Variants in LOC400499 observed in about 807,000 individuals in gnomAD.
At chr16:11,438,172 GC>G in the LOC400499 span, among the ~76,000 whole-genome samples, 1 of 152,174 alleles carries the variant, frequency 6.6e-6, no homozygotes, top group Admixed American at 6.5e-5. Context: ...AACAGAGCCT[GC>G]CACGCAATCA....
At chr16:11,425,127 G>A in the LOC400499 span, 6 of 398,912 alleles carry the variant, frequency 1.5e-5, no homozygotes, top group Non-Finnish European at 2.7e-5. Context: ...CGTCCTACCT[G>A]CATCACTCAG....
the LOC400499 span, among the ~76,000 whole-genome samples, chr16:11,395,390 C>T: frequency 1.3e-5 from 2 of 152,268 alleles, no homozygotes; most frequent in East Asian, 3.9e-4. Flanking sequence ...AGCCTCTTGC[C>T]GAGCATCCGC....
the LOC400499 span, among the ~76,000 whole-genome samples, chr16:11,415,250 A>G: frequency 6.6e-6 from 1 of 152,148 alleles, no homozygotes; most frequent in African/African-American, 2.4e-5. Context: ...TCCCTTTGCT[A>G]TACAGAGAAA....
chr16:11,445,457 G>C, the LOC400499 span, among the ~76,000 whole-genome samples: 3 of 151,982 alleles, frequency 2.0e-5, no homozygotes, highest in Admixed American at 6.6e-5. Flanking sequence ...ATAAGGCATC[G>C]CTAGGGTAAG....
the LOC400499 span, among the ~76,000 whole-genome samples, chr16:11,393,934 C>A: frequency 1.3e-5 from 2 of 152,254 alleles, no homozygotes; most frequent in East Asian, 3.9e-4. Context: ...CAAAACTTAG[C>A]CAGTCTCATG....
chr16:11,508,678 A>C, the LOC400499 span: 1 of 398,920 alleles, frequency 2.5e-6, no homozygotes, highest in East Asian at 3.6e-5. Flanking sequence ...ACTCAGGGCC[A>C]AGAAAGACTC....
chr16:11,487,468 G>C, the LOC400499 span: 2 of 397,832 alleles, frequency 5.0e-6, no homozygotes. Context: ...CATACCCTGA[G>C]ACAGGGCCAG....
chr16:11,467,829 G>GC, the LOC400499 span, among the ~76,000 whole-genome samples: 1 of 152,136 alleles, frequency 6.6e-6, no homozygotes, highest in Non-Finnish European at 1.5e-5. Context: ...ACCCTAAGCC[G>GC]CAGGACCTGT....
chr16:11,500,787 G>A, the LOC400499 span: 3 of 399,050 alleles, frequency 7.5e-6, no homozygotes, highest in African/African-American at 2.1e-5. Flanking sequence ...GGCCCCGGGT[G>A]GGGTGCAGGG....
the LOC400499 span, among the ~76,000 whole-genome samples, chr16:11,466,115 C>T: frequency 2.6e-5 from 4 of 152,268 alleles, no homozygotes; most frequent in South Asian, 2.1e-4. Flanking sequence ...TTGCGCTACA[C>T]AGGAGGCACT....
At chr16:11,412,796 A>C in the LOC400499 span, 2 of 398,618 alleles carry the variant, frequency 5.0e-6, no homozygotes, top group Non-Finnish European at 8.8e-6. Flanking sequence ...GTACCCAGTC[A>C]ATGGTTCCTC....
At chr16:11,452,778 C>G in the LOC400499 span, among the ~76,000 whole-genome samples, 6 of 152,340 alleles carry the variant, frequency 3.9e-5, no homozygotes, top group East Asian at 9.6e-4. Context: ...CCTGCCAGTT[C>G]TTCTCCATGC....
At chr16:11,515,484 T>C in the LOC400499 span, among the ~76,000 whole-genome samples, 1 of 144,530 alleles carries the variant, frequency 6.9e-6, no homozygotes. Context: ...CGTACGTACA[T>C]ACATACATAC....
At chr16:11,382,560 A>G in the LOC400499 span, among the ~76,000 whole-genome samples, 1 of 149,838 alleles carries the variant, frequency 6.7e-6, no homozygotes, top group Non-Finnish European at 1.5e-5. Context: ...ATTTGGTCAC[A>G]GAAGTCATCT....
At chr16:11,506,678 C>T in the LOC400499 span, among the ~76,000 whole-genome samples, 1 of 152,138 alleles carries the variant, frequency 6.6e-6, no homozygotes, top group African/African-American at 2.4e-5. Flanking sequence ...CCCCCCACAT[C>T]GAAACTCCGG....
At chr16:11,464,139 CGTGT>C in the LOC400499 span, among the ~76,000 whole-genome samples, 1 of 141,184 alleles carries the variant, frequency 7.1e-6, no homozygotes, top group African/African-American at 2.7e-5. Flanking sequence ...TAAATATGGA[CGTGT>C]GTATGATGTG....
the LOC400499 span, among the ~76,000 whole-genome samples, chr16:11,504,757 T>C: frequency 6.6e-6 from 1 of 152,100 alleles, no homozygotes; most frequent in African/African-American, 2.4e-5. Context: ...ACCTCATCTC[T>C]GCCAAAAATA....
the LOC400499 span, among the ~76,000 whole-genome samples, chr16:11,509,964 G>A: frequency 6.8e-6 from 1 of 146,572 alleles, no homozygotes. Flanking sequence ...GGAGAGGGGG[G>A]ACTCATTTTA....
At chr16:11,424,992 G>C in the LOC400499 span, 4 of 397,662 alleles carry the variant, frequency 1.0e-5, no homozygotes, top group Non-Finnish European at 1.8e-5. Context: ...AGGTGTGCCG[G>C]GGAAGCCAGC....
Sources: allele counts gnomAD v4.1 joint callset (sites outside exome capture counted in the v4.1 genomes callset), GRCh38; gene constraint gnomAD v4.1.1; transcripts MANE v1.5.